The following DOCK10 variants were observed in gnomAD, a reference collection of about 807,000 sequenced individuals.
DOCK10 encodes dedicator of cytokinesis protein 10.
A neutral mutation model predicts 280.1 loss-of-function variants in DOCK10; 145 were observed. That is an observed-to-expected ratio of 0.52 (90% CI 0.45 to 0.59). The LOEUF is 0.59. Among genes scored for constraint, DOCK10 ranks in the 20% least tolerant of loss-of-function variants. The probability of loss-of-function intolerance (pLI) is 0.00; values close to 1 mark genes in which losing one functional copy is unlikely to be tolerated. For missense variants in DOCK10, 2,368 were observed against 2,651.7 expected (o/e 0.89, Z 2.35); for synonymous variants, 915 against 942.2 (o/e 0.97, Z 0.53).
At chr2:224,793,489 G>C in intron 45 of DOCK10, 32 bp from the exon 46 acceptor site, 1 of 1,581,264 alleles carries the variant, frequency 6.3e-7, no homozygotes, top group Non-Finnish European at 8.7e-7. Context: ...AGAGGCTCAG[G>C]GGATGGAGTT....
In DOCK10 at chr2:225,035,561, TATATATATATA is replaced by T. The variant is rs1393614654; in HGVS notation, c.123+6680_123+6690del. On this transcript the variant is annotated intron_variant, in intron 1 of 55. Transcript: ENST00000258390. Reference sequence around the variant, plus strand: ...TATATATTATATATATATATATATATATATATATATATATATATATATATATAACACTGAAT... The same window carrying T: ...TATATATTATATATATATATATATATTATATATATATATATAACACTGAAT... Among the ~76,000 whole-genome samples, 6 of 52,628 alleles carry T rather than the reference TATATATATATA, an allele frequency of 1.1e-4. 1 individual carries two copies. Among genetic ancestry groups the T allele is most frequent in the Non-Finnish European group, 2.9e-4 (6 of 20,992 alleles). 34.5% of individuals were successfully genotyped at this position (52,628 alleles called of 152,430 possible). A position where few individuals can be genotyped will look rare whatever the true frequency, so the allele number is the denominator to read the frequency against.
At position 224,816,614 on chromosome 2, in the gene DOCK10, T is replaced by C. The variant is rs1473697471; in HGVS notation, c.3364+3A>G. On this transcript the variant is annotated splice_donor_region_variant and intron_variant, in intron 30 of 55. Coordinates refer to ENST00000258390, the MANE Select transcript of DOCK10 (RefSeq NM_014689.3). The stretch of plus-strand genomic sequence containing the variant: ...CTGAGGAAAATTCTGGGAATTTTAT[T>C]ACCTGGAATGTTTGCTGATCTTATG... 1.9e-6 allele frequency: 3 copies of C among 1,566,218 alleles called. No individual in the cohort carries two copies. Among genetic ancestry groups the C allele is most frequent in the Admixed American group, 3.4e-5 (2 of 58,284 alleles).
intron 19 of DOCK10, among the ~76,000 whole-genome samples, chr2:224,848,522 C>G (rs1696516380): frequency 6.6e-6 from 1 of 152,182 alleles, no homozygotes; most frequent in Admixed American, 6.5e-5. Flanking sequence ...GGTTTGATTT[C>G]TCTCACTTAT....
At chr2:224,961,470 T>TTTC (rs1559874209) in intron 1 of DOCK10, among the ~76,000 whole-genome samples, 1 of 120,260 alleles carries the variant, frequency 8.3e-6, no homozygotes, top group Admixed American at 8.6e-5. Flanking sequence ...TTCTTTCTTT[T>TTTC]TCTTTCTTTC....
At chr2:224,769,570 C>G (rs1281379171) in intron 55 of DOCK10, among the ~76,000 whole-genome samples, 2 of 152,206 alleles carry the variant, frequency 1.3e-5, no homozygotes, top group Non-Finnish European at 2.9e-5. Context: ...CAGGAAGCAA[C>G]ACTTGGCTTT....
chr2:224,851,904 C>T (rs1696769850), intron 18 of DOCK10, among the ~76,000 whole-genome samples: 1 of 152,164 alleles, frequency 6.6e-6, no homozygotes, highest in Non-Finnish European at 1.5e-5. Flanking sequence ...CCGGGACTGA[C>T]TTCCCAGAGC....
intron 1 of DOCK10, among the ~76,000 whole-genome samples, chr2:224,953,930 AGT>A (rs10560714): frequency 0.31 from 46,631 of 150,822 alleles, 7,347 homozygotes; most frequent in African/African-American, 0.38. Context: ...GTGTGTGCAG[AGT>A]GTGTGTGTGT....
intron 31 of DOCK10, among the ~76,000 whole-genome samples, chr2:224,813,481 C>T (rs1693921148): frequency 6.6e-6 from 1 of 152,138 alleles, no homozygotes; most frequent in South Asian, 2.1e-4. Context: ...CAGGCATGAT[C>T]CACCGCGCCC....
At chr2:224,830,888 T>C (rs1165976853) in intron 26 of DOCK10, among the ~76,000 whole-genome samples, 1 of 146,770 alleles carries the variant, frequency 6.8e-6, no homozygotes, top group African/African-American at 2.5e-5. Flanking sequence ...ATGTTCTAGT[T>C]GTTTCACCTA....
chr2:224,902,772 C>A (rs1398824068), intron 3 of DOCK10, among the ~76,000 whole-genome samples: 1 of 151,504 alleles, frequency 6.6e-6, no homozygotes, highest in Non-Finnish European at 1.5e-5. Flanking sequence ...TTAGTTTCTG[C>A]AGTATACAAA....
intron 1 of DOCK10, among the ~76,000 whole-genome samples, chr2:224,992,948 C>T (rs1411632676): frequency 6.6e-6 from 1 of 152,186 alleles, no homozygotes. Context: ...GGAGTTGTTG[C>T]TGGGATATAC....
chr2:224,835,128 A>G (rs553375743), intron 25 of DOCK10, among the ~76,000 whole-genome samples: 3 of 152,336 alleles, frequency 2.0e-5, no homozygotes, highest in African/African-American at 4.8e-5. Context: ...CTAACTTGTC[A>G]TGGTGGGATT....
At chr2:224,928,877 C>T (rs575119869) in intron 2 of DOCK10, among the ~76,000 whole-genome samples, 2 of 152,312 alleles carry the variant, frequency 1.3e-5, no homozygotes, top group East Asian at 3.9e-4. Context: ...TGTTTTCCTT[C>T]TTGAAACACT....
chr2:225,007,920 C>A (rs936013241), intron 1 of DOCK10, among the ~76,000 whole-genome samples: 1 of 152,016 alleles, frequency 6.6e-6, no homozygotes, highest in Non-Finnish European at 1.5e-5. Context: ...CAGGGATATG[C>A]ATTCTGTTCT....
chr2:224,967,369 C>T lies in DOCK10; in HGVS notation c.124-35701G>A, dbSNP rs529151690. 1.1e-3 allele frequency among the ~76,000 whole-genome samples: 165 copies of T among 152,222 alleles called. 2 individuals are homozygous for T. Among genetic ancestry groups the T allele is most frequent in the Admixed American group, 9.2e-3 (141 of 15,310 alleles). ...TGCTGGGATTACAGGCGTGAGCCAC[C>T]GCGCCCAGCCGGCCTATCCTCTAGT... On this transcript the variant is annotated intron_variant, in intron 1 of 55. Transcript: ENST00000258390.
At chr2:224,945,745 A>C (rs1703375243) in intron 1 of DOCK10, among the ~76,000 whole-genome samples, 1 of 152,142 alleles carries the variant, frequency 6.6e-6, no homozygotes, top group Admixed American at 6.5e-5. Flanking sequence ...TTCTATGAAC[A>C]AAAAGATCTT....
intron 3 of DOCK10, among the ~76,000 whole-genome samples, chr2:224,902,170 C>T (rs1253974228): frequency 1.3e-5 from 2 of 152,170 alleles, no homozygotes; most frequent in East Asian, 3.8e-4. Flanking sequence ...ATGTTACATA[C>T]CTCAAATAGC....
intron 3 of DOCK10, among the ~76,000 whole-genome samples, chr2:224,904,119 T>C (rs1700458319): frequency 6.6e-6 from 1 of 152,174 alleles, no homozygotes; most frequent in Non-Finnish European, 1.5e-5. Context: ...AGTCACCACA[T>C]ATGAACACAT....
chr2:224,866,601 C>T (rs1697924749), intron 11 of DOCK10, among the ~76,000 whole-genome samples: 1 of 152,212 alleles, frequency 6.6e-6, no homozygotes, highest in African/African-American at 2.4e-5. Flanking sequence ...AGTCAACTAC[C>T]ACCATGATGG....
Sources: gnomAD v4.1 joint callset for allele counts (sites outside exome capture counted in the v4.1 genomes callset) on GRCh38, gnomAD v4.1.1 for gene constraint, MANE v1.5 for transcripts, NCBI Gene and HGNC (gene_info 2026-07-23, HGNC 2026-07-21) for gene names.